ALOX12B: variants seen among roughly 807,000 people sequenced by gnomAD.
ALOX12B encodes the protein arachidonate 12-lipoxygenase, 12R type, also known as arachidonate 12-lipoxygenase, 12R-type.
Under a neutral mutation model 78.9 loss-of-function variants are expected in ALOX12B, and 47 were observed. The observed-to-expected ratio is 0.60, with a 90% CI of 0.47 to 0.76. The LOEUF (loss-of-function observed/expected upper bound fraction) is 0.76. Among genes scored for constraint, ALOX12B ranks in the 30% least tolerant of loss-of-function variants. The pLI, the probability that ALOX12B is intolerant of heterozygous loss-of-function variation, is 0.00. For synonymous variants in ALOX12B, 370 were observed against 374.5 expected (o/e 0.99, Z 0.14); for missense variants, 805 against 922.6 (o/e 0.87, Z 1.65).
chr17:8,073,813 C>T (rs1199317500), intron 12 of ALOX12B, 56 bp from the exon 13 acceptor site: 3 of 1,415,652 alleles, frequency 2.1e-6, no homozygotes, highest in Non-Finnish European at 3.0e-6. Context: ...TACTGGCTGC[C>T]CGGCAGAGGG....
rs1411601149 is a variant in ALOX12B, at chr17:8,079,809, G to A, written c.887C>T (p.Pro296Leu). 4.3e-6 allele frequency: 7 copies of A among 1,613,390 alleles called. No homozygotes were observed. Among genetic ancestry groups the A allele is most frequent in the South Asian group, 1.1e-5 (1 of 91,076 alleles). Residue 296 changes from proline to leucine, a missense_variant, in exon 7 of 15, where the codon CCG becomes CTG. Physicochemically the swap from Pro to Leu is moderately conservative, Grantham distance 98. Coordinates refer to ENST00000647874, the MANE Select transcript of ALOX12B (RefSeq NM_001139.3). This position sits in a 1 kb window ranked among gnomAD's most constrained non-coding sequence, Gnocchi z 6.4. ...KFPVTDDMVA[P>L]FLGEGTCLQA... ...CAAGCACGTTCCCTCGCCCAGGAAC[G>A]GAGCCACCATGTCGTCTGTGACGGG...
chr17:8,076,321 G>A lies in ALOX12B; in HGVS notation c.1386C>T (p.Gly462=). 1 of 1,608,604 alleles carries A rather than the reference G, an allele frequency of 6.2e-7. No individual in the cohort carries two copies. Among genetic ancestry groups the A allele is most frequent in the Non-Finnish European group, 8.5e-7 (1 of 1,177,476 alleles). ...GAGCCCGTACCATCACCCCAGCAAA[G>A]CCTTCCACGCCCAGGGACATGCCCT... is the stretch of plus-strand genomic sequence containing the variant. ...SAKGMSLGVE[G]FAGVMVRALS... The change falls in exon 11 of 15, where the codon GGC becomes GGT. Residue 462 remains glycine (G), a synonymous_variant. Coordinates refer to ENST00000647874, the MANE Select transcript of ALOX12B (RefSeq NM_001139.3).
intron 1 of ALOX12B, 65 bp downstream of exon 1, chr17:8,087,231 C>G: frequency 2.2e-6 from 2 of 921,924 alleles, no homozygotes; most frequent in Non-Finnish European, 2.9e-6. Flanking sequence ...CACACAGACA[C>G]ACACAGACAC....
chr17:8,078,010 C>A (rs1977123063), intron 8 of ALOX12B, among the ~76,000 whole-genome samples: 1 of 152,132 alleles, frequency 6.6e-6, no homozygotes, highest in Non-Finnish European at 1.5e-5. Flanking sequence ...GACTTTTTTT[C>A]CTTGTCATTC....
At position 8,079,534 on chromosome 17, in the gene ALOX12B, C is replaced by T. The variant is rs1447125900; in HGVS notation, c.933G>A (p.Gly311=). 5 of 1,550,460 alleles carry T rather than the reference C, an allele frequency of 3.2e-6. No homozygotes were observed. Among genetic ancestry groups the T allele is most frequent in the Non-Finnish European group, 3.5e-6 (4 of 1,146,920 alleles). The change falls in exon 8 of 15, where the codon GGG becomes GGA. Residue 311 remains glycine (G), a synonymous_variant. Transcript: ENST00000647874. The surrounding 1 kb of genome is among the most constrained non-coding windows in gnomAD (Gnocchi z 6.4). ...GTCLQAELEK[G]NIYLADYRIM... ...TGCGGTAGTCGGCCAGGTAAATGTT[C>T]CCCTTCTGGAGGGGAGCCGCGATGG...
intron 8 of ALOX12B, among the ~76,000 whole-genome samples, chr17:8,078,758 A>G (rs112849875): frequency 6.6e-6 from 1 of 152,018 alleles, no homozygotes; most frequent in African/African-American, 2.4e-5. Flanking sequence ...ATTCGGGCAT[A>G]CAAACCTGAG....
chr17:8,084,335 C>T (rs148539919), intron 2 of ALOX12B, among the ~76,000 whole-genome samples: 2,071 of 152,308 alleles, frequency 0.014, 21 homozygotes, highest in Middle Eastern at 0.02. Flanking sequence ...CCCTCCTCCA[C>T]CTGCCTCAGC....
rs1384892331 is a variant in ALOX12B at position 8,079,958 on chromosome 17, A to C, written c.755-17T>G. 2 of 1,608,220 alleles carry C rather than the reference A, an allele frequency of 1.2e-6. No individual in the cohort carries two copies. Among genetic ancestry groups the C allele is most frequent in the Non-Finnish European group, 1.7e-6 (2 of 1,177,574 alleles). ...CCACGTACTCTGCGAGGACGGCGCG[A>C]GGGCGTCACAAGGAGGCCCGGCCCC... On this transcript the variant is annotated splice_polypyrimidine_tract_variant and intron_variant, in intron 6 of 14. Transcript: ENST00000647874. This position sits in a 1 kb window ranked among gnomAD's most constrained non-coding sequence, Gnocchi z 6.4.
chr17:8,077,515 G>A (rs375893365), intron 8 of ALOX12B, among the ~76,000 whole-genome samples: 5 of 152,194 alleles, frequency 3.3e-5, no homozygotes, highest in Non-Finnish European at 5.9e-5. Context: ...ATTCAGGTGC[G>A]CAGGTTGTGC....
chr17:8,077,114 C>T lies in ALOX12B; in HGVS notation c.1151G>A (p.Trp384Ter), dbSNP rs1305605509. The change falls in exon 9 of 15, where the codon TGG becomes TAG. Residue 384 changes from tryptophan (W) to a stop codon, truncating the protein, a stop_gained. Transcript: ENST00000647874. LOFTEE classifies it high-confidence loss of function. ...SEWDWLLAKT[W>*]VRYAEFYSHE... ...GCTGTAGAACTCCGCATAGCGTACC[C>T]ACGTCTTGGCTAGCAGCCAGTCCCA... The T allele has an allele frequency of 6.2e-7, 1 of 1,613,824 alleles. No individual in the cohort carries two copies. Among genetic ancestry groups the T allele is most frequent in the African/African-American group, 1.3e-5 (1 of 74,946 alleles).
In ALOX12B at chr17:8,073,278, A is replaced by T. The variant is rs1454247028; in HGVS notation, c.1796T>A (p.Met599Lys). Residue 599 changes from methionine to lysine, a missense_variant, in exon 14 of 15, where the codon ATG (methionine) becomes AAG (lysine). By Grantham distance (95) the Met-to-Lys change is moderately conservative. Coordinates refer to ENST00000647874, the MANE Select transcript of ALOX12B (RefSeq NM_001139.3). ...TAWMPNFPAS[M>K]RNPPIQTKGL... The stretch of plus-strand genomic sequence containing the variant: ...CTTAGTCTGAATCGGTGGATTCCGC[A>T]TGGACGCTGGGAAGTTGGGCATCCA... 6.2e-7 allele frequency: 1 copy of T among 1,614,120 alleles called. No individual in the cohort carries two copies. The highest frequency in any genetic ancestry group is 1.7e-5 in the Admixed American group (1 of 60,026).
rs773168526 is a variant in ALOX12B, at chr17:8,075,659, A to G, written c.1590T>C (p.Asp530=). 1.2e-6 allele frequency: 2 copies of G among 1,614,048 alleles called. No homozygotes were observed. Among genetic ancestry groups the G allele is most frequent in the South Asian group, 1.1e-5 (1 of 91,082 alleles). ...YYPSDAAVEG[D]PELQSWVQEI... ...CCTGCACCCAAGACTGCAATTCCGG[A>G]TCACCCTCCACGGCTGCGTCACTCG... Residue 530 remains aspartate, a synonymous_variant, in exon 12 of 15, where the codon GAT becomes GAC. Coordinates refer to ENST00000647874, the MANE Select transcript of ALOX12B (RefSeq NM_001139.3).
chr17:8,080,737 T>G lies in ALOX12B; in HGVS notation c.571A>C (p.Lys191Gln). Residue 191 changes from lysine (K) to glutamine (Q), a missense_variant, in exon 5 of 15, where the codon AAG becomes CAG. Coordinates refer to ENST00000647874, the MANE Select transcript of ALOX12B (RefSeq NM_001139.3). This position sits in a 1 kb window ranked among gnomAD's most constrained non-coding sequence, Gnocchi z 4.8. ...TTTAAGTTCAGGAACTTGGTGGCCT[T>G]AAAGTTGATGAGAATTGGGAATCCC... ...IPGFPILINF[K>Q]ATKFLNLNLR... 1 of 1,614,010 alleles carries G rather than the reference T, an allele frequency of 6.2e-7. No homozygotes were observed.
In ALOX12B at chr17:8,079,736, G is replaced by A; in HGVS notation, c.927+33C>T. The stretch of plus-strand genomic sequence containing the variant: ...GGATGCCCGCGAGGGAGGCCGGGAG[G>A]AGGGCCGGGGTCTCCGCCGGAGCGG... On this transcript the variant is annotated intron_variant, in intron 7 of 14. Transcript: ENST00000647874. The surrounding 1 kb of genome is among the most constrained non-coding windows in gnomAD (Gnocchi z 6.4). 1 of 1,600,132 alleles carries A rather than the reference G, an allele frequency of 6.2e-7. No individual in the cohort carries two copies. Among genetic ancestry groups the A allele is most frequent in the Admixed American group, 1.7e-5 (1 of 58,438 alleles).
chr17:8,073,863 A>G, intron 12 of ALOX12B, 106 bp from the exon 13 acceptor site: 1 of 889,178 alleles, frequency 1.1e-6, no homozygotes, highest in East Asian at 2.6e-5. Flanking sequence ...CAAAAGCTTC[A>G]AGCTGCCGCA....
intron 2 of ALOX12B, chr17:8,081,602 C>T (rs977985147): frequency 3.6e-6 from 1 of 278,604 alleles, no homozygotes; most frequent in Non-Finnish European, 7.2e-6. Flanking sequence ...CATCCTCTCA[C>T]CCTTGAGAGT....
At position 8,085,967 on chromosome 17, in the gene ALOX12B, A is replaced by G. The variant is rs1343095517; in HGVS notation, c.352+49T>C. On this transcript the variant is annotated intron_variant, in intron 2 of 14. Coordinates refer to ENST00000647874, the MANE Select transcript of ALOX12B (RefSeq NM_001139.3). Reference sequence around the variant, plus strand: ...GTGCCATGCCAGGGTAGCAGGCTGGAGCTAGAGGCCTCACGGCCATAGGAT... The same window carrying G: ...GTGCCATGCCAGGGTAGCAGGCTGGGGCTAGAGGCCTCACGGCCATAGGAT... 2.5e-6 allele frequency: 4 copies of G among 1,602,494 alleles called. No individual in the cohort carries two copies. The African/African-American group carries it at 4.0e-5, about 16-fold the overall frequency.
At position 8,087,611 on chromosome 17, in the gene ALOX12B, A is replaced by T. The variant is rs925111031; in HGVS notation, c.-169T>A. ...GTGGGGTGACTAGGCCTGCCAGCCA[A>T]ATTCTGGAAAAGCTGCTGCCCTTGG... is the stretch of plus-strand genomic sequence containing the variant. On this transcript the variant is annotated 5_prime_UTR_variant, in exon 1 of 15. The change creates a new upstream start codon in the 5' untranslated region. Transcript: ENST00000647874. The T allele has an allele frequency of 5.2e-6, 6 of 1,154,912 alleles. No individual in the cohort carries two copies. The highest frequency in any genetic ancestry group is 1.2e-6 in the Non-Finnish European group (1 of 812,644). The allele number at this position is 1,154,912 out of a possible 1,614,324, so 71.5% of individuals were successfully genotyped here.
chr17:8,085,639 T>C (rs1315415459), intron 2 of ALOX12B, among the ~76,000 whole-genome samples: 1 of 152,208 alleles, frequency 6.6e-6, no homozygotes, highest in Non-Finnish European at 1.5e-5. Flanking sequence ...TAAATAGGCC[T>C]CCTGTGAGAG....
Sources: gnomAD v4.1 joint callset for allele counts (sites outside exome capture counted in the v4.1 genomes callset) on GRCh38, gnomAD v4.1.1 for gene constraint, Gnocchi (gnomAD v3.1) non-coding constraint, MANE v1.5 for transcripts, NCBI Gene and HGNC (gene_info 2026-07-23, HGNC 2026-07-21) for gene names.